Variants in PDE10A observed in about 807,000 individuals in gnomAD.
The protein encoded by PDE10A is cAMP and cAMP-inhibited cGMP 3',5'-cyclic phosphodiesterase 10A.
In PDE10A, 39 loss-of-function variants were observed where a neutral mutation model predicts 97.7. The ratio of observed to expected loss-of-function variants is 0.40; its 90% CI spans 0.31 to 0.52. The LOEUF is 0.52. Among genes scored for constraint, PDE10A ranks in the 20% least tolerant of loss-of-function variants. The pLI is 0.56. For synonymous variants in PDE10A, 371 were observed against 376.8 expected (o/e 0.98, Z 0.18); for missense variants, 731 against 1,047.8 (o/e 0.70, Z 4.17).
intron 1 of PDE10A, among the ~76,000 whole-genome samples, chr6:165,895,901 T>C (rs1171394207): frequency 6.6e-6 from 1 of 152,154 alleles, no homozygotes; most frequent in Non-Finnish European, 1.5e-5. Context: ...CACAAGCAGA[T>C]TGCACAATCC....
intron 2 of PDE10A, among the ~76,000 whole-genome samples, chr6:165,516,148 G>A (rs1404365051): frequency 6.6e-6 from 1 of 152,122 alleles, no homozygotes; most frequent in Non-Finnish European, 1.5e-5. Flanking sequence ...ACTTAGTGCT[G>A]TATCTTGTTC....
Position 165,662,350 on chromosome 6 carries a change from C to CGCT in PDE10A, c.461_462insAGC (p.Ala154dup), listed in dbSNP as rs1790321254. 1 of 155,978 alleles carries CGCT rather than the reference C, an allele frequency of 6.4e-6. No individual in the cohort carries two copies. The allele number at this position is 155,978 out of a possible 1,614,324, so 9.7% of individuals were successfully genotyped here. A position where few individuals can be genotyped will look rare whatever the true frequency, so the allele number is the denominator to read the frequency against. ...CTCCGCCAGCATCGCCGCCTCCTCCCGCCGCCGCCGCCGCCGCTGCGCCCT... is the reference window on the plus strand; with the variant it reads ...CTCCGCCAGCATCGCCGCCTCCTCCCGCTGCCGCCGCCGCCGCCGCTGCGCCCT... On this transcript the variant is annotated inframe_insertion, in exon 1 of 22. Coordinates refer to ENST00000539869, the MANE Select transcript of PDE10A (RefSeq NM_001385079.1).
At chr6:165,933,470 T>A (rs1783211675) in intron 1 of PDE10A, among the ~76,000 whole-genome samples, 1 of 152,240 alleles carries the variant, frequency 6.6e-6, no homozygotes, top group African/African-American at 2.4e-5. Flanking sequence ...AGCCAGTCGA[T>A]CTTTTATATT....
intron 1 of PDE10A, among the ~76,000 whole-genome samples, chr6:165,710,334 A>G (rs1261609871): frequency 6.6e-6 from 1 of 152,228 alleles, no homozygotes; most frequent in Admixed American, 6.5e-5. Flanking sequence ...ATATTTGTAG[A>G]AGAATGAACC....
At chr6:165,873,447 T>C (rs9295317) in intron 1 of PDE10A, among the ~76,000 whole-genome samples, 26,700 of 152,138 alleles carry the variant, frequency 0.18, 2,496 homozygotes, top group Admixed American at 0.23. Context: ...TGAACATCTG[T>C]AAAACAGTGA....
chr6:165,543,447 TTTG>T lies in PDE10A; in HGVS notation c.984_986del (p.Asn328del). The T allele has an allele frequency of 6.2e-7, 1 of 1,612,266 alleles. No individual in the cohort carries two copies. Among genetic ancestry groups the T allele is most frequent in the Middle Eastern group, 1.7e-4 (1 of 6,054 alleles). The stretch of plus-strand genomic sequence containing the variant: ...ATCCACAAGAGACCTTACCTTCTGA[TTTG>T]TTGTTCTTCCTCTTCAGCCATTTCT... On this transcript the variant is annotated inframe_deletion, in exon 2 of 22. Coordinates refer to ENST00000539869, the MANE Select transcript of PDE10A (RefSeq NM_001385079.1).
chr6:165,923,376 A>G (rs1296703271), intron 1 of PDE10A, among the ~76,000 whole-genome samples: 2 of 152,264 alleles, frequency 1.3e-5, no homozygotes, highest in Non-Finnish European at 2.9e-5. Context: ...TGTTCAGAGC[A>G]GTGACCACAT....
intron 2 of PDE10A, among the ~76,000 whole-genome samples, chr6:165,540,334 G>T (rs985578709): frequency 3.9e-5 from 6 of 151,914 alleles, no homozygotes; most frequent in Admixed American, 3.3e-4. Context: ...GCTTACAGGT[G>T]TTTTTTTCTT....
chr6:165,405,932 A>G (rs926010521), intron 13 of PDE10A, among the ~76,000 whole-genome samples: 3 of 152,156 alleles, frequency 2.0e-5, no homozygotes, highest in African/African-American at 7.2e-5. Context: ...TAAACACAGG[A>G]CATGAAACCA....
At position 165,858,518 on chromosome 6, in the gene PDE10A, A is replaced by C. The variant is rs531497095; in HGVS notation, c.-615+129011T>G. On this transcript the variant is annotated intron_variant, in intron 1 of 19. Coordinates refer to the PDE10A transcript ENST00000366882. ...CGGTTTCACCTTGACGTGAACGGTC[A>C]CTGGGGGTGAGTGCTCCATCCCTCT... is the stretch of plus-strand genomic sequence containing the variant. Among the ~76,000 whole-genome samples, 40 of 152,218 alleles carry C rather than the reference A, an allele frequency of 2.6e-4. 1 individual carries two copies. The highest frequency in any genetic ancestry group is 5.3e-4 in the Non-Finnish European group (36 of 68,044).
chr6:165,833,649 G>A (rs1779988111), intron 1 of PDE10A, among the ~76,000 whole-genome samples: 1 of 152,252 alleles, frequency 6.6e-6, no homozygotes, highest in South Asian at 2.1e-4. Flanking sequence ...GGGAGCAGCT[G>A]CTCTGCCAAC....
intron 1 of PDE10A, among the ~76,000 whole-genome samples, chr6:165,855,290 C>T (rs1780696602): frequency 1.4e-5 from 1 of 71,884 alleles, no homozygotes; most frequent in Admixed American, 1.7e-4. Context: ...GACTCATAGG[C>T]GGCGCGGGAA....
At chr6:165,772,477 G>A (rs1419176823) in intron 1 of PDE10A, among the ~76,000 whole-genome samples, 1 of 152,072 alleles carries the variant, frequency 6.6e-6, no homozygotes, top group Non-Finnish European at 1.5e-5. Flanking sequence ...TAGGGCCTCC[G>A]CGCTGTGGCC....
At chr6:165,424,102 C>CA (rs1788937472) in intron 10 of PDE10A, among the ~76,000 whole-genome samples, 1 of 152,136 alleles carries the variant, frequency 6.6e-6, no homozygotes, top group African/African-American at 2.4e-5. Flanking sequence ...CCCCATCCCC[C>CA]AAAGTAGAAC....
chr6:165,538,768 T>G, intron 2 of PDE10A, among the ~76,000 whole-genome samples: 1 of 152,200 alleles, frequency 6.6e-6, no homozygotes, highest in South Asian at 2.1e-4. Flanking sequence ...TTTAGAATAT[T>G]CTTATAAGAA....
chr6:165,851,948 A>G (rs1780584619), intron 1 of PDE10A, among the ~76,000 whole-genome samples: 1 of 152,236 alleles, frequency 6.6e-6, no homozygotes, highest in Admixed American at 6.5e-5. Flanking sequence ...CTATATGTAT[A>G]GATATAGATA....
At chr6:165,525,946 T>C (rs1368938941) in intron 2 of PDE10A, among the ~76,000 whole-genome samples, 1 of 152,168 alleles carries the variant, frequency 6.6e-6, no homozygotes, top group African/African-American at 2.4e-5. Flanking sequence ...AAAAGAGTAA[T>C]TTAAATTATA....
At chr6:165,961,286 G>A (rs73260541) in intron 1 of PDE10A, among the ~76,000 whole-genome samples, 10,775 of 152,198 alleles carry the variant, frequency 0.071, 1,001 homozygotes, top group African/African-American at 0.22. Flanking sequence ...TCAAGTCCTC[G>A]TGCTGAGATC....
At chr6:165,557,233 A>G (rs1784302018) in intron 1 of PDE10A, among the ~76,000 whole-genome samples, 2 of 152,212 alleles carry the variant, frequency 1.3e-5, no homozygotes, top group African/African-American at 4.8e-5. Context: ...GAAGAAAGAT[A>G]AGAAAATAGG....
Sources: allele counts gnomAD v4.1 joint callset (sites outside exome capture counted in the v4.1 genomes callset), GRCh38; gene constraint gnomAD v4.1.1; transcripts MANE v1.5; gene names NCBI Gene and HGNC (gene_info 2026-07-23, HGNC 2026-07-21).